Variants in EDA observed in about 807,000 individuals in gnomAD.
The protein encoded by EDA is ectodysplasin-A.
Under a neutral mutation model 23.6 loss-of-function variants are expected in EDA, and 2 were observed. The ratio of observed to expected loss-of-function variants is 0.08; its 90% CI spans 0.03 to 0.27. The LOEUF (loss-of-function observed/expected upper bound fraction) is 0.27. Ranked by LOEUF, EDA falls within the 10% of genes least tolerant of loss-of-function variation. EDA has a pLI of 1.00. For missense variants in EDA, 229 were observed against 324.2 expected, an observed-to-expected ratio of 0.71 and a Z score of 2.26; for synonymous variants, 131 against 132.0, an observed-to-expected ratio of 0.99 and a Z score of 0.05.
chrX:69,776,664 T>C (rs990939775), intron 1 of EDA, among the ~76,000 whole-genome samples: 1 of 111,266 alleles, frequency 9.0e-6, no homozygotes, highest in Non-Finnish European at 1.9e-5. Context: ...AGAGGGGAGC[T>C]GTGGCCTTCC....
chrX:69,775,914 TAA>T (rs2014769274), intron 1 of EDA, among the ~76,000 whole-genome samples: 1 of 111,863 alleles, frequency 8.9e-6, no homozygotes, highest in Admixed American at 9.5e-5. Flanking sequence ...GATCATTACT[TAA>T]TTAACTGATC....
At chrX:69,933,999 T>C (rs1039804623) in intron 1 of EDA, among the ~76,000 whole-genome samples, 4 of 112,581 alleles carry the variant, frequency 3.6e-5, no homozygotes, top group African/African-American at 1.3e-4. Context: ...CCCTTAACTA[T>C]TAATGTTTTT....
At chrX:69,732,976 A>C (rs1469975828) in intron 1 of EDA, among the ~76,000 whole-genome samples, 1 of 109,644 alleles carries the variant, frequency 9.1e-6, no homozygotes, top group Non-Finnish European at 1.9e-5. Flanking sequence ...ATTTGTTTAA[A>C]TTCTTCATAG....
chrX:69,937,509 G>T, intron 1 of EDA: 1 of 872,391 alleles, frequency 1.1e-6, no homozygotes, highest in African/African-American at 2.0e-5. Context: ...GTTAGAGTTG[G>T]TCAGCATTTT....
chrX:69,694,873 T>C (rs981325800), intron 1 of EDA, among the ~76,000 whole-genome samples: 1 of 112,330 alleles, frequency 8.9e-6, no homozygotes, highest in Admixed American at 9.5e-5. Context: ...ATTTAATATA[T>C]TGAATAAGCC....
intron 1 of EDA, among the ~76,000 whole-genome samples, chrX:69,933,799 G>A (rs2018634442): frequency 8.9e-6 from 1 of 111,732 alleles, no homozygotes; most frequent in East Asian, 2.8e-4. Context: ...TGTATGGCTG[G>A]GACTTACTTT....
At chrX:69,849,643 C>T (rs991506974) in intron 1 of EDA, among the ~76,000 whole-genome samples, 4 of 112,046 alleles carry the variant, frequency 3.6e-5, no homozygotes, top group African/African-American at 9.7e-5. Flanking sequence ...TGGCACTTAA[C>T]GTATACATTG....
At chrX:69,723,351 A>G (rs2012664918) in intron 1 of EDA, among the ~76,000 whole-genome samples, 1 of 112,441 alleles carries the variant, frequency 8.9e-6, no homozygotes, top group East Asian at 2.8e-4. Flanking sequence ...TGACATTATC[A>G]TATGTCCTAC....
At chrX:69,859,625 G>A (rs1283534451) in intron 1 of EDA, among the ~76,000 whole-genome samples, 3 of 111,334 alleles carry the variant, frequency 2.7e-5, no homozygotes. Flanking sequence ...CATTTGCTGA[G>A]GAGTGCTTTG....
At chrX:69,667,970 G>T (rs1264904885) in intron 1 of EDA, among the ~76,000 whole-genome samples, 1 of 111,959 alleles carries the variant, frequency 8.9e-6, no homozygotes, top group Non-Finnish European at 1.9e-5. Flanking sequence ...ATTCATGAGG[G>T]CAAAGTCCTC....
intron 1 of EDA, among the ~76,000 whole-genome samples, chrX:69,732,159 G>A (rs765493688): frequency 1.8e-5 from 2 of 111,428 alleles, no homozygotes; most frequent in Non-Finnish European, 3.8e-5. Flanking sequence ...GTGCAGGTTT[G>A]TTACATATGT....
chrX:69,932,391 T>C (rs188286659), intron 1 of EDA, among the ~76,000 whole-genome samples: 1 of 112,008 alleles, frequency 8.9e-6, no homozygotes, highest in East Asian at 2.8e-4. Flanking sequence ...AAAATGAAGC[T>C]GGTTATAACT....
intron 2 of EDA, among the ~76,000 whole-genome samples, chrX:69,990,172 C>T (rs1228555956): frequency 9.1e-6 from 1 of 109,952 alleles, no homozygotes; most frequent in Non-Finnish European, 1.9e-5. Flanking sequence ...TTTTAATGTT[C>T]TCAATCTTAT....
chrX:69,734,599 A>C (rs921994579), intron 1 of EDA, among the ~76,000 whole-genome samples: 1 of 111,663 alleles, frequency 9.0e-6, no homozygotes, highest in East Asian at 2.8e-4. Flanking sequence ...TGCTTTAACT[A>C]TATCCAAAAA....
chrX:69,862,987 T>C (rs997269519), intron 1 of EDA, among the ~76,000 whole-genome samples: 2 of 106,767 alleles, frequency 1.9e-5, no homozygotes. Context: ...CCCCTCACTC[T>C]AACACACACC....
At chrX:69,750,291 C>G (rs1452520828) in intron 1 of EDA, among the ~76,000 whole-genome samples, 2 of 105,122 alleles carry the variant, frequency 1.9e-5, no homozygotes, top group African/African-American at 7.0e-5. Flanking sequence ...TCTGTCCTCG[C>G]GATAGTTTGC....
chrX:69,798,271 C>T (rs191576142), intron 1 of EDA, among the ~76,000 whole-genome samples: 26 of 110,760 alleles, frequency 2.3e-4, no homozygotes, highest in African/African-American at 7.9e-4. Flanking sequence ...AATAGAAAAT[C>T]GACAAAAAAA....
chrX:69,707,099 G>C (rs1229479265), intron 1 of EDA, among the ~76,000 whole-genome samples: 1 of 112,316 alleles, frequency 8.9e-6, no homozygotes, highest in Non-Finnish European at 1.9e-5. Flanking sequence ...TGACCAGAAA[G>C]AGGTGGACAG....
At chrX:69,877,620 CT>C (rs1319717808) in intron 1 of EDA, among the ~76,000 whole-genome samples, 2 of 110,481 alleles carry the variant, frequency 1.8e-5, no homozygotes, top group African/African-American at 6.6e-5. Context: ...TTTTCTCAGT[CT>C]GTGAGTTGTC....
Sources: allele counts gnomAD v4.1 joint callset (sites outside exome capture counted in the v4.1 genomes callset), GRCh38; gene constraint gnomAD v4.1.1; transcripts MANE v1.5; gene names NCBI Gene and HGNC (gene_info 2026-07-23, HGNC 2026-07-21).